IL1RAPL1: variants seen among roughly 807,000 people sequenced by gnomAD.
The protein encoded by IL1RAPL1 is interleukin 1 receptor accessory protein like 1.
IL1RAPL1 carries 3 observed loss-of-function variants against 48.4 expected under a neutral mutation model. The ratio of observed to expected loss-of-function variants is 0.06; its 90% CI spans 0.03 to 0.16. The LOEUF (loss-of-function observed/expected upper bound fraction) is 0.16. Ranked by LOEUF, IL1RAPL1 falls within the 10% of genes least tolerant of loss-of-function variation. The probability of loss-of-function intolerance (pLI) is 1.00; values close to 1 mark genes in which losing one functional copy is unlikely to be tolerated. For synonymous variants in IL1RAPL1, 185 were observed against 187.7 expected (o/e 0.99, Z 0.12); for missense variants, 349 against 530.6 (o/e 0.66, Z 3.36).
chrX:29,254,416 T>C (rs1307152524), intron 2 of IL1RAPL1, among the ~76,000 whole-genome samples: 1 of 110,768 alleles, frequency 9.0e-6, no homozygotes, highest in Non-Finnish European at 1.9e-5. Flanking sequence ...TGTATAAATG[T>C]TTCCGTGTAT....
chrX:29,784,196 A>T (rs1929434743), intron 6 of IL1RAPL1, among the ~76,000 whole-genome samples: 1 of 112,215 alleles, frequency 8.9e-6, no homozygotes, highest in African/African-American at 3.2e-5. Flanking sequence ...TTTTATTTAT[A>T]GAGATTTTAT....
chrX:29,539,993 T>G (rs1394646039), intron 5 of IL1RAPL1, among the ~76,000 whole-genome samples: 3 of 111,749 alleles, frequency 2.7e-5, no homozygotes, highest in Non-Finnish European at 3.8e-5. Flanking sequence ...AGTCAAACTA[T>G]ATCTCCTCAT....
chrX:28,691,569 TA>T (rs1935178857), intron 1 of IL1RAPL1, among the ~76,000 whole-genome samples: 1 of 112,238 alleles, frequency 8.9e-6, no homozygotes, highest in African/African-American at 3.2e-5. Context: ...ATGATTTTGC[TA>T]ACCATTATAT....
At chrX:29,455,812 A>G (rs1455600633) in intron 5 of IL1RAPL1, among the ~76,000 whole-genome samples, 3 of 111,727 alleles carry the variant, frequency 2.7e-5, no homozygotes, top group African/African-American at 9.8e-5. Context: ...TTTTCCATTT[A>G]AAAGTAGTTT....
At position 29,561,782 on chromosome X, in the gene IL1RAPL1, T is replaced by G. The variant is rs1042170649; in HGVS notation, c.704-106648T>G. Among the ~76,000 whole-genome samples the G allele has an allele frequency of 6.3e-5, 7 of 111,131 alleles. No homozygotes were observed. In the East Asian group the frequency reaches 1.7e-3, roughly 27 times the overall value. On this transcript the variant is annotated intron_variant, in intron 5 of 10. Coordinates refer to ENST00000378993, the MANE Select transcript of IL1RAPL1 (RefSeq NM_014271.4). ...GGTCCCTGGGCTCTACCTAATATAC[T>G]TTTGTCTGTGGGTAGTTGTCAAAAT...
chrX:28,784,139 G>A (rs977146765), intron 1 of IL1RAPL1, among the ~76,000 whole-genome samples: 5 of 111,997 alleles, frequency 4.5e-5, no homozygotes, highest in Non-Finnish European at 9.4e-5. Context: ...GTGCCTTTTA[G>A]TAACTTATGG....
At chrX:29,614,817 T>C (rs185291441) in intron 5 of IL1RAPL1, among the ~76,000 whole-genome samples, 91 of 111,869 alleles carry the variant, frequency 8.1e-4, no homozygotes, top group African/African-American at 2.2e-3. Context: ...TAGATGTCTT[T>C]AAGGAAACAT....
At chrX:29,751,825 G>A (rs1928469587) in intron 6 of IL1RAPL1, among the ~76,000 whole-genome samples, 2 of 108,015 alleles carry the variant, frequency 1.9e-5, no homozygotes, top group Non-Finnish European at 3.8e-5. Context: ...CTATCTACCT[G>A]GGAGGCTAAG....
chrX:28,708,987 A>C (rs186812077), intron 1 of IL1RAPL1, among the ~76,000 whole-genome samples: 1 of 111,972 alleles, frequency 8.9e-6, no homozygotes, highest in East Asian at 2.8e-4. Context: ...ACATGTAACA[A>C]AATTTTACAT....
At chrX:29,003,101 G>A (rs1163474806) in intron 2 of IL1RAPL1, among the ~76,000 whole-genome samples, 1 of 111,292 alleles carries the variant, frequency 9.0e-6, no homozygotes, top group Non-Finnish European at 1.9e-5. Context: ...TGTTAAAAAG[G>A]AGTTTCCTGG....
At chrX:28,740,324 A>G (rs933419133) in intron 1 of IL1RAPL1, among the ~76,000 whole-genome samples, 1 of 112,042 alleles carries the variant, frequency 8.9e-6, no homozygotes, top group Non-Finnish European at 1.9e-5. Flanking sequence ...ATGAGGAAGG[A>G]CAATGAGCAG....
intron 3 of IL1RAPL1, among the ~76,000 whole-genome samples, chrX:29,329,673 C>T (rs1222484904): frequency 5.5e-5 from 6 of 109,736 alleles, no homozygotes; most frequent in Non-Finnish European, 1.1e-4. Context: ...ATTAGCCGGT[C>T]GTGGTGGCAC....
intron 1 of IL1RAPL1, among the ~76,000 whole-genome samples, chrX:28,737,965 A>C (rs1935863866): frequency 9.0e-6 from 1 of 110,671 alleles, no homozygotes; most frequent in South Asian, 3.9e-4. Context: ...AATGTAGAAA[A>C]GAAGGAAGGA....
intron 2 of IL1RAPL1, among the ~76,000 whole-genome samples, chrX:28,914,828 C>G (rs931789143): frequency 1.8e-5 from 2 of 112,415 alleles, no homozygotes; most frequent in African/African-American, 6.5e-5. Context: ...GATGAACTTT[C>G]CATTAATAAA....
intron 6 of IL1RAPL1, among the ~76,000 whole-genome samples, chrX:29,670,342 G>A (rs1602355965): frequency 8.9e-6 from 1 of 112,195 alleles, no homozygotes; most frequent in East Asian, 2.8e-4. Flanking sequence ...ATATGGGCAT[G>A]TCTGTTACTA....
intron 2 of IL1RAPL1, among the ~76,000 whole-genome samples, chrX:29,115,242 A>G (rs1254618923): frequency 9.0e-6 from 1 of 111,650 alleles, no homozygotes; most frequent in East Asian, 2.8e-4. Flanking sequence ...CAACTGTTTC[A>G]TATGTGCTTA....
chrX:29,751,993 A>ATATG (rs1928478169), intron 6 of IL1RAPL1, among the ~76,000 whole-genome samples: 4 of 102,238 alleles, frequency 3.9e-5, no homozygotes, highest in African/African-American at 1.4e-4. Context: ...GTGTGTGTAT[A>ATATG]TATATACACA....
chrX:29,636,955 A>G (rs747714771), intron 5 of IL1RAPL1, among the ~76,000 whole-genome samples: 16 of 108,804 alleles, frequency 1.5e-4, no homozygotes, highest in Non-Finnish European at 2.7e-4. Flanking sequence ...CGGGAGGCTG[A>G]GGCAGGAGAA....
chrX:29,820,625 C>T (rs1930591202), intron 6 of IL1RAPL1, among the ~76,000 whole-genome samples: 1 of 111,890 alleles, frequency 8.9e-6, no homozygotes, highest in Admixed American at 9.5e-5. Flanking sequence ...GGATTCTGAG[C>T]TCCAAACTAC....
Sources: gnomAD v4.1 joint callset for allele counts (sites outside exome capture counted in the v4.1 genomes callset) on GRCh38, gnomAD v4.1.1 for gene constraint, MANE v1.5 for transcripts, NCBI Gene and HGNC (gene_info 2026-07-23, HGNC 2026-07-21) for gene names.